The following PLEKHA6 variants were observed in gnomAD, a reference collection of about 807,000 sequenced individuals.
The protein encoded by PLEKHA6 is pleckstrin homology domain-containing family A member 6.
PLEKHA6 carries 60 observed loss-of-function variants against 116.7 expected under a neutral mutation model. The observed-to-expected ratio is 0.51, with a 90% CI of 0.42 to 0.64. The LOEUF (loss-of-function observed/expected upper bound fraction) is 0.64. Among genes scored for constraint, PLEKHA6 ranks in the 30% least tolerant of loss-of-function variants. The probability of loss-of-function intolerance (pLI) is 0.00; values close to 1 mark genes in which losing one functional copy is unlikely to be tolerated. For synonymous variants in PLEKHA6, 489 were observed against 556.1 expected (o/e 0.88, Z 1.70); for missense variants, 1,338 against 1,422.7 (o/e 0.94, Z 0.96).
At chr1:204,281,955 G>A (rs547042396) in intron 1 of PLEKHA6, among the ~76,000 whole-genome samples, 5 of 152,250 alleles carry the variant, frequency 3.3e-5, no homozygotes, top group South Asian at 4.1e-4. Context: ...GGCCTTCTAC[G>A]TGAGCTCAGC....
chr1:204,233,318 G>A (rs1234374872), intron 17 of PLEKHA6, among the ~76,000 whole-genome samples: 1 of 149,688 alleles, frequency 6.7e-6, no homozygotes, highest in East Asian at 2.0e-4. Flanking sequence ...CTAGGATATA[G>A]GTATGCACCA....
intron 1 of PLEKHA6, 26 bp from the exon 2 acceptor site, chr1:204,274,835 G>A: frequency 1.0e-6 from 1 of 985,896 alleles, no homozygotes; most frequent in Non-Finnish European, 1.2e-6. Flanking sequence ...CAGAAGAGTT[G>A]TGGTAAAGAT....
intron 1 of PLEKHA6, chr1:204,301,451 T>A (rs1229312517): frequency 1.0e-6 from 1 of 985,414 alleles, no homozygotes; most frequent in African/African-American, 1.7e-5. Flanking sequence ...TGTTATTTGG[T>A]TGGACTTCAG....
intron 1 of PLEKHA6, among the ~76,000 whole-genome samples, chr1:204,330,524 G>C (rs555762746): frequency 3.3e-5 from 5 of 152,206 alleles, no homozygotes; most frequent in Non-Finnish European, 5.9e-5. Context: ...AGACCCTACA[G>C]ATTAGGAGTA....
chr1:204,265,081 G>T, intron 5 of PLEKHA6, 39 bp from the exon 6 acceptor site: 1 of 1,328,062 alleles, frequency 7.5e-7, no homozygotes, highest in Non-Finnish European at 1.1e-6. Flanking sequence ...GTGTGTGTGT[G>T]TGTGCAAGCG....
chr1:204,234,954 T>TTATA (rs61156938), intron 17 of PLEKHA6, among the ~76,000 whole-genome samples: 4 of 18,740 alleles, frequency 2.1e-4, no homozygotes, highest in Non-Finnish European at 3.0e-4. Context: ...AAACTGCCCT[T>TTATA]TATATATATA....
chr1:204,364,799 T>G (rs1673620076), upstream of PLEKHA6, among the ~76,000 whole-genome samples: 1 of 152,136 alleles, frequency 6.6e-6, no homozygotes, highest in African/African-American at 2.4e-5. Context: ...GTGTTGGAAG[T>G]GCAAATTCTA....
At chr1:204,334,104 G>T (rs925934330) in intron 1 of PLEKHA6, among the ~76,000 whole-genome samples, 3 of 152,290 alleles carry the variant, frequency 2.0e-5, no homozygotes, top group African/African-American at 7.2e-5. Context: ...GGGAAGTCCT[G>T]GGATGGGATG....
intron 1 of PLEKHA6, chr1:204,326,940 C>T (rs1364119041): frequency 1.7e-5 from 17 of 981,564 alleles, no homozygotes; most frequent in East Asian, 2.3e-4. Context: ...CTGGGGCCTC[C>T]GCACTTAGGC....
chr1:204,290,047 AAT>A (rs916961019), intron 1 of PLEKHA6, among the ~76,000 whole-genome samples: 62 of 152,318 alleles, frequency 4.1e-4, no homozygotes, highest in African/African-American at 1.3e-3. Flanking sequence ...ATAAAATCCA[AAT>A]AAAAGGAGAA....
At chr1:204,241,867 T>C (rs910317417) in intron 15 of PLEKHA6, 53 bp from the exon 16 acceptor site, 11 of 1,589,694 alleles carry the variant, frequency 6.9e-6, no homozygotes, top group Non-Finnish European at 9.5e-6. Context: ...GTCAGGAACT[T>C]GGCCCCCAGT....
intron 21 of PLEKHA6, among the ~76,000 whole-genome samples, chr1:204,227,174 G>T (rs1261231382): frequency 3.3e-5 from 5 of 152,196 alleles, no homozygotes; most frequent in South Asian, 2.1e-4. Flanking sequence ...TGGGCTACTG[G>T]AATGGTGGCC....
upstream of PLEKHA6, among the ~76,000 whole-genome samples, chr1:204,362,822 AC>A (rs1311723292): frequency 6.6e-6 from 1 of 152,148 alleles, no homozygotes; most frequent in East Asian, 1.9e-4. Context: ...GCTGGGACTT[AC>A]AGGTGTGAGC....
intron 1 of PLEKHA6, among the ~76,000 whole-genome samples, chr1:204,336,927 A>C (rs1672669008): frequency 6.6e-6 from 1 of 152,232 alleles, no homozygotes; most frequent in Admixed American, 6.5e-5. Flanking sequence ...TTTGCTGGGA[A>C]GGCTTCCATT....
At chr1:204,312,024 T>C (rs1671673948) in intron 1 of PLEKHA6, among the ~76,000 whole-genome samples, 1 of 152,216 alleles carries the variant, frequency 6.6e-6, no homozygotes, top group African/African-American at 2.4e-5. Flanking sequence ...TATTTTCTCA[T>C]TGAATTCCTA....
At chr1:204,308,687 C>CTTTCTTTTTTTTTTTTTTTT (rs775770952) in intron 1 of PLEKHA6, among the ~76,000 whole-genome samples, 1 of 81,404 alleles carries the variant, frequency 1.2e-5, no homozygotes, top group African/African-American at 5.4e-5. Flanking sequence ...TTTTCTTTTT[C>CTTTCTTTTTTTTTTTTTTTT]TTTTTTTTTT....
At chr1:204,375,782 C>CTT (rs1463041678) in intron 1 of PLEKHA6, among the ~76,000 whole-genome samples, 1 of 151,780 alleles carries the variant, frequency 6.6e-6, no homozygotes, top group Non-Finnish European at 1.5e-5. Flanking sequence ...CCTCTTCCTA[C>CTT]TTTTTCTCCT....
Position 204,223,840 on chromosome 1 carries a change from G to T in PLEKHA6, c.3032-255C>A, listed in dbSNP as rs1005666386. Among the ~76,000 whole-genome samples the T allele has an allele frequency of 9.9e-5, 15 of 152,164 alleles. No homozygotes were observed. Among genetic ancestry groups the T allele is most frequent in the African/African-American group, 3.6e-4 (15 of 41,424 alleles). On this transcript the variant is annotated intron_variant, in intron 21 of 22. Transcript: ENST00000272203. This position sits in a 1 kb window ranked among gnomAD's most constrained non-coding sequence, Gnocchi z 4.8. Reference sequence around the variant, plus strand: ...GAGAACCAGTGTGACTGTGGGTAAGGCCAGGCCATCTCTGGGCAAAGGGCT... The same window carrying T: ...GAGAACCAGTGTGACTGTGGGTAAGTCCAGGCCATCTCTGGGCAAAGGGCT...
intron 6 of PLEKHA6, among the ~76,000 whole-genome samples, chr1:204,262,778 A>C (rs1395400418): frequency 2.6e-5 from 4 of 152,068 alleles, no homozygotes; most frequent in African/African-American, 7.2e-5. Flanking sequence ...TCTGGTCCCC[A>C]CCCTCCAGCA....
Sources: gnomAD v4.1 joint callset for allele counts (sites outside exome capture counted in the v4.1 genomes callset) on GRCh38, gnomAD v4.1.1 for gene constraint, Gnocchi (gnomAD v3.1) non-coding constraint, MANE v1.5 for transcripts, NCBI Gene and HGNC (gene_info 2026-07-23, HGNC 2026-07-21) for gene names.